The following DLGAP2 variants were observed in gnomAD, a reference collection of about 807,000 sequenced individuals.
The protein encoded by DLGAP2 is disks large-associated protein 2.
DLGAP2 carries 26 observed loss-of-function variants against 100.3 expected under a neutral mutation model. The observed-to-expected ratio is 0.26, with a 90% CI of 0.19 to 0.36. DLGAP2 has a LOEUF of 0.36. Among genes scored for constraint, DLGAP2 ranks in the 10% least tolerant of loss-of-function variants. The pLI is 1.00. For missense variants in DLGAP2, 1,858 were observed against 1,453.2 expected (o/e 1.28, Z -4.53); for synonymous variants, 886 against 630.1 (o/e 1.41, Z -6.08).
At chr8:1,691,179 C>G (rs574718250) in intron 12 of DLGAP2, among the ~76,000 whole-genome samples, 1 of 152,216 alleles carries the variant, frequency 6.6e-6, no homozygotes, top group East Asian at 1.9e-4. Flanking sequence ...CTCGATGTTG[C>G]TTTCACTCAC....
intron 3 of DLGAP2, among the ~76,000 whole-genome samples, chr8:1,288,960 C>G (rs1480536920): frequency 6.6e-6 from 1 of 152,140 alleles, no homozygotes; most frequent in Non-Finnish European, 1.5e-5. Flanking sequence ...TTAGAAAATG[C>G]AAGTCATTTA....
Position 1,009,245 on chromosome 8 carries a change from G to A in DLGAP2, c.73+101279G>A, listed in dbSNP as rs1331135536. On this transcript the variant is annotated intron_variant, in intron 2 of 14. Coordinates refer to ENST00000637795, the MANE Select transcript of DLGAP2 (RefSeq NM_001346810.2). ...CTCTCCTTCCTCCCCTCCTTCAGTG[G>A]AATGCATTTTCTTTTTGTTCGTCAA... Among the ~76,000 whole-genome samples the A allele has an allele frequency of 3.3e-5, 5 of 152,178 alleles. No homozygotes were observed. In the East Asian group the frequency reaches 9.6e-4, roughly 29 times the overall value.
intron 4 of DLGAP2, among the ~76,000 whole-genome samples, chr8:1,526,691 G>T (rs142418888): frequency 1.3e-5 from 2 of 152,322 alleles, no homozygotes; most frequent in East Asian, 3.9e-4. Context: ...CCTCTTGGTT[G>T]CAAGGAGGTT....
intron 2 of DLGAP2, among the ~76,000 whole-genome samples, chr8:1,070,744 G>A (rs10102931): frequency 0.14 from 21,197 of 152,194 alleles, 1,914 homozygotes; most frequent in Non-Finnish European, 0.21. Flanking sequence ...CCCTCAGCTA[G>A]TATTTGGAAT....
intron 1 of DLGAP2, among the ~76,000 whole-genome samples, chr8:789,373 G>T (rs1240112050): frequency 6.6e-6 from 1 of 152,118 alleles, no homozygotes; most frequent in East Asian, 1.9e-4. Context: ...GAAGGGGGAG[G>T]TGCTACACAC....
At chr8:942,016 A>G (rs921807571) in intron 2 of DLGAP2, among the ~76,000 whole-genome samples, 1 of 152,044 alleles carries the variant, frequency 6.6e-6, no homozygotes, top group African/African-American at 2.4e-5. Context: ...TTTTGTAGAG[A>G]TGGGCTCTCT....
chr8:982,924 G>A (rs990807272), intron 2 of DLGAP2, among the ~76,000 whole-genome samples: 10 of 129,642 alleles, frequency 7.7e-5, no homozygotes, highest in Non-Finnish European at 1.3e-4. Context: ...TGATCCCTTC[G>A]TGGGTTTTTG....
At chr8:1,167,884 AT>A (rs147051775) in intron 2 of DLGAP2, among the ~76,000 whole-genome samples, 20 of 151,320 alleles carry the variant, frequency 1.3e-4, no homozygotes, top group African/African-American at 2.2e-4. Flanking sequence ...ACCTGAGTCC[AT>A]TTTTTTTTAT....
At chr8:1,120,326 A>T (rs537240988) in intron 2 of DLGAP2, among the ~76,000 whole-genome samples, 1 of 152,214 alleles carries the variant, frequency 6.6e-6, no homozygotes. Context: ...TCCAGCCAAC[A>T]TGCGTCCGAA....
chr8:802,036 A>G (rs4735937), intron 1 of DLGAP2, among the ~76,000 whole-genome samples: 44,627 of 71,718 alleles, frequency 0.62, 11,370 homozygotes, highest in Admixed American at 0.7. Context: ...TGGGCCCTCC[A>G]TCCTCACGGC....
chr8:1,036,015 C>A (rs1368628080), intron 2 of DLGAP2, among the ~76,000 whole-genome samples: 1 of 116,258 alleles, frequency 8.6e-6, no homozygotes, highest in African/African-American at 2.9e-5. Context: ...ATCCCGACCC[C>A]GCGTGTCACC....
chr8:865,538 C>A (rs1189486780), intron 1 of DLGAP2, among the ~76,000 whole-genome samples: 1 of 152,164 alleles, frequency 6.6e-6, no homozygotes, highest in Non-Finnish European at 1.5e-5. Flanking sequence ...GTGTGACTTC[C>A]AAAATCTATA....
chr8:1,409,508 G>T (rs1004766590), intron 3 of DLGAP2, among the ~76,000 whole-genome samples: 2 of 152,240 alleles, frequency 1.3e-5, no homozygotes, highest in Non-Finnish European at 2.9e-5. Flanking sequence ...AGAGAGCTGG[G>T]TGTGACGAAC....
At chr8:976,438 C>T (rs1392918665) in intron 2 of DLGAP2, among the ~76,000 whole-genome samples, 1 of 152,062 alleles carries the variant, frequency 6.6e-6, no homozygotes, top group Admixed American at 6.5e-5. Flanking sequence ...GGTAAAACCC[C>T]ATGTCTACTA....
intron 6 of DLGAP2, among the ~76,000 whole-genome samples, chr8:1,593,391 C>T (rs1203735092): frequency 1.3e-5 from 2 of 151,812 alleles, no homozygotes. Flanking sequence ...GGAGGCGGAG[C>T]TTGCAGTGAG....
chr8:1,355,572 T>C (rs1444541683), intron 3 of DLGAP2, among the ~76,000 whole-genome samples: 2 of 151,840 alleles, frequency 1.3e-5, no homozygotes, highest in Non-Finnish European at 2.9e-5. Flanking sequence ...TCCATGTTGG[T>C]CAGGCTGGTC....
chr8:1,502,589 G>T (rs1039098710), intron 4 of DLGAP2, among the ~76,000 whole-genome samples: 1 of 152,112 alleles, frequency 6.6e-6, no homozygotes, highest in East Asian at 1.9e-4. Context: ...AAAGTATTTC[G>T]ACTTCTCATT....
chr8:823,310 C>CATTATTATTATTATT (rs5888817), intron 1 of DLGAP2, among the ~76,000 whole-genome samples: 6 of 148,438 alleles, frequency 4.0e-5, no homozygotes, highest in African/African-American at 1.2e-4. Context: ...AGCTTGAATT[C>CATTATTATTATTATT]ATTATTATTA....
rs555072535 is a variant in DLGAP2 at position 1,516,651 on chromosome 8, CTGAGTGAA to C, written c.172+15227_172+15234del. Among the ~76,000 whole-genome samples the C allele has an allele frequency of 6.9e-4, 95 of 138,132 alleles. No individual in the cohort carries two copies. In the Middle Eastern group the frequency reaches 0.014, roughly 20 times the overall value. The allele number at this position is 138,132 out of a possible 152,430, so 90.6% of individuals were successfully genotyped here. On this transcript the variant is annotated intron_variant, in intron 4 of 14. Transcript: ENST00000637795. ...AAGGAGTGAATGAGTGAGTGAGTGA[CTGAGTGAA>C]TGAGTGGGTGACTGAGTGAAAGAGT...
Sources: allele counts gnomAD v4.1 joint callset (sites outside exome capture counted in the v4.1 genomes callset), GRCh38; gene constraint gnomAD v4.1.1; transcripts MANE v1.5; gene names NCBI Gene and HGNC (gene_info 2026-07-23, HGNC 2026-07-21).